Variants in TBX1 observed in about 807,000 individuals in gnomAD.
TBX1 encodes the protein T-box transcription factor TBX1.
In TBX1, 16 loss-of-function variants were observed where a neutral mutation model predicts 40.8. That is an observed-to-expected ratio of 0.39 (90% CI 0.27 to 0.60). The LOEUF is 0.60. TBX1 is among the 20% of genes least tolerant of loss of function. The pLI is 0.51. For missense variants in TBX1, 755 were observed against 728.5 expected (o/e 1.04, Z -0.42); for synonymous variants, 403 against 336.8 (o/e 1.20, Z -2.15).
At chr22:19,756,942 G>T (rs1267028059), upstream of TBX1, among the ~76,000 whole-genome samples, 1 of 151,932 alleles carries the variant, frequency 6.6e-6, no homozygotes, top group Non-Finnish European at 1.5e-5. Flanking sequence ...GCGCGGCGGG[G>T]CGGTGCCCTA....
chr22:19,777,245 G>A (rs971814453), intron 8 of TBX1, among the ~76,000 whole-genome samples: 21 of 150,058 alleles, frequency 1.4e-4, no homozygotes, highest in African/African-American at 4.2e-4. Context: ...GGAGTGTGAT[G>A]TTCCCCTTCC....
At chr22:19,778,439 CTTTTT>C (rs111819861) in intron 8 of TBX1, among the ~76,000 whole-genome samples, 1 of 143,944 alleles carries the variant, frequency 6.9e-6, no homozygotes, top group East Asian at 2.0e-4. Context: ...TTTTCTTCTT[CTTTTT>C]TTTTTTTGAG....
Position 19,764,221 on chromosome 22 carries a change from G to A in TBX1, c.606G>A (p.Val202=), listed in dbSNP as rs375727246. 1.2e-6 allele frequency: 2 copies of A among 1,613,136 alleles called. No individual in the cohort carries two copies. The highest frequency in any genetic ancestry group is 1.7e-5 in the Admixed American group (1 of 60,030). ...GKADPATPGR[V]HYHPDSPAKG... Reference sequence around the variant, plus strand: ...CCGACCCTGCCACGCCAGGCCGCGTGCACTACCACCCGGACTCGCCTGCCA... The same window carrying A: ...CCGACCCTGCCACGCCAGGCCGCGTACACTACCACCCGGACTCGCCTGCCA... Residue 202 remains valine, a synonymous_variant, in exon 3 of 7, where the codon GTG becomes GTA. Transcript: ENST00000649276.
upstream of TBX1, among the ~76,000 whole-genome samples, chr22:19,760,283 AAAAG>A (rs1205450974): frequency 2.0e-5 from 3 of 151,342 alleles, no homozygotes; most frequent in East Asian, 5.8e-4. Flanking sequence ...GGCACCGACT[AAAAG>A]AAAGACAAAG....
chr22:19,760,548 G>C (rs1240361497), upstream of TBX1, among the ~76,000 whole-genome samples: 1 of 141,278 alleles, frequency 7.1e-6, no homozygotes, highest in African/African-American at 2.6e-5. Flanking sequence ...GCACCGGTGA[G>C]CCGGTCCGGG....
At chr22:19,770,943 C>G (rs1045764490), downstream of TBX1, among the ~76,000 whole-genome samples, 1 of 152,174 alleles carries the variant, frequency 6.6e-6, no homozygotes, top group African/African-American at 2.4e-5. Context: ...TCCAGAGACT[C>G]TGTGTTCCAG....
At chr22:19,780,777 T>TTTTG (rs1361628073), downstream of TBX1, among the ~76,000 whole-genome samples, 104 of 56,852 alleles carry the variant, frequency 1.8e-3, 1 homozygote, top group African/African-American at 8.2e-3. Context: ...TTGTTTTCTG[T>TTTTG]TTTTTTTTTT....
Position 19,764,252 on chromosome 22 carries a change from G to C in TBX1, c.637G>C (p.Ala213Pro). ...HYHPDSPAKG[A>P]QWMKQIVSFD... The stretch of plus-strand genomic sequence containing the variant: ...CCACCCGGACTCGCCTGCCAAGGGC[G>C]CGCAGTGGATGAAGCAAATCGTGTC... Residue 213 changes from alanine (A) to proline (P), a missense_variant, in exon 3 of 7, where the codon GCG becomes CCG. Transcript: ENST00000649276. 1 of 1,613,418 alleles carries C rather than the reference G, an allele frequency of 6.2e-7. No homozygotes were observed. Among genetic ancestry groups the C allele is most frequent in the South Asian group, 1.1e-5 (1 of 91,088 alleles).
downstream of TBX1, among the ~76,000 whole-genome samples, chr22:19,782,482 C>T (rs1055710384): frequency 6.6e-6 from 1 of 152,152 alleles, no homozygotes; most frequent in Non-Finnish European, 1.5e-5. Flanking sequence ...TATTTGCTTT[C>T]AGTTTGTGAC....
Position 19,766,641 on chromosome 22 carries a change from C to G in TBX1, c.1289C>G (p.Ala430Gly). 6.4e-7 allele frequency: 1 copy of G among 1,552,072 alleles called. No individual in the cohort carries two copies. Among genetic ancestry groups the G allele is most frequent in the South Asian group, 1.2e-5 (1 of 86,224 alleles). ...CACCACCCCTACAAATATCCGGCCG[C>G]CGCCTACGACCACTATCTCGGGGCC... ...LHHHPYKYPA[A>G]AYDHYLGAKS... Residue 430 changes from alanine (A) to glycine (G), a missense_variant, in exon 7 of 7, where the codon GCC becomes GGC. Physicochemically the swap from Ala to Gly is moderately conservative, Grantham distance 60. Coordinates refer to ENST00000649276, the MANE Select transcript of TBX1 (RefSeq NM_001379200.1).
downstream of TBX1, among the ~76,000 whole-genome samples, chr22:19,767,514 T>C (rs1936905697): frequency 1.3e-5 from 2 of 151,670 alleles, no homozygotes; most frequent in South Asian, 2.1e-4. Flanking sequence ...GCCCGCCCCA[T>C]AGGGGCTCCC....
chr22:19,771,238 T>G (rs1376575027), downstream of TBX1, among the ~76,000 whole-genome samples: 3 of 152,210 alleles, frequency 2.0e-5, no homozygotes, highest in South Asian at 4.1e-4. Flanking sequence ...CCTGGCATAG[T>G]GGCACCCAAG....
At chr22:19,765,700 G>C in intron 4 of TBX1, 58 bp from the exon 5 acceptor site, 1 of 1,596,100 alleles carries the variant, frequency 6.3e-7, no homozygotes, top group Non-Finnish European at 8.6e-7. Flanking sequence ...CCTCCGCCGA[G>C]GTCGGGTGGC....
chr22:19,783,297 C>T (rs1303112514), downstream of TBX1: 20 of 444,420 alleles, frequency 4.5e-5, no homozygotes, highest in South Asian at 3.7e-4. Context: ...GATTTCTCTA[C>T]ACCCCACATT....
Position 19,766,018 on chromosome 22 carries a change from T to C in TBX1, c.1036+16T>C. 1.3e-6 allele frequency: 2 copies of C among 1,490,598 alleles called. No individual in the cohort carries two copies. Among genetic ancestry groups the C allele is most frequent in the Non-Finnish European group, 1.8e-6 (2 of 1,126,908 alleles). The allele number at this position is 1,490,598 out of a possible 1,614,324, so 92.3% of individuals were successfully genotyped here. A position where few individuals can be genotyped will look rare whatever the true frequency, so the allele number is the denominator to read the frequency against. On this transcript the variant is annotated intron_variant, in intron 6 of 6. Transcript: ENST00000649276. The stretch of plus-strand genomic sequence containing the variant: ...ACGGAGAAAGGTAGGGCCGGGGTCG[T>C]GGGATCCGGGTTCCGGCCCTGTGCG...
At chr22:19,780,781 T>TG (rs1937133627), downstream of TBX1, among the ~76,000 whole-genome samples, 1 of 143,612 alleles carries the variant, frequency 7.0e-6, no homozygotes, top group Non-Finnish European at 1.5e-5. Context: ...TTTCTGTTTT[T>TG]TTTTTTGTTT....
chr22:19,768,648 G>A (rs1428841611), downstream of TBX1, among the ~76,000 whole-genome samples: 1 of 152,162 alleles, frequency 6.6e-6, no homozygotes, highest in Admixed American at 6.5e-5. Flanking sequence ...CACTGCAGAG[G>A]GCCTCCCTCT....
chr22:19,780,776 G>GTTTTTTGTT (rs1937133118), downstream of TBX1, among the ~76,000 whole-genome samples: 1 of 119,104 alleles, frequency 8.4e-6, no homozygotes, highest in Non-Finnish European at 1.7e-5. Flanking sequence ...CTTGTTTTCT[G>GTTTTTTGTT]TTTTTTTTTT....
chr22:19,775,650 G>A lies in TBX1; in HGVS notation c.1010-3570G>A, dbSNP rs555726995. ...CCTGCAATGCACGCTCGGAACCACAGGTCCGGAGCCATGGGGCTGCTGTGG... is the reference window on the plus strand; with the variant it reads ...CCTGCAATGCACGCTCGGAACCACAAGTCCGGAGCCATGGGGCTGCTGTGG... On this transcript the variant is annotated intron_variant, in intron 8 of 8. Coordinates refer to the TBX1 transcript ENST00000329705. Among the ~76,000 whole-genome samples the A allele has an allele frequency of 4.6e-5, 7 of 152,312 alleles. No individual in the cohort carries two copies. In the East Asian group the frequency reaches 1.2e-3, roughly 25 times the overall value.
Sources: gnomAD v4.1 joint callset for allele counts (sites outside exome capture counted in the v4.1 genomes callset) on GRCh38, gnomAD v4.1.1 for gene constraint, MANE v1.5 for transcripts, NCBI Gene and HGNC (gene_info 2026-07-23, HGNC 2026-07-21) for gene names.